APLN: variants seen among roughly 807,000 people sequenced by gnomAD.
APLN encodes apelin, also known as AGTRL1 ligand.
A neutral mutation model predicts 4.3 loss-of-function variants in APLN; 2 were observed. The observed-to-expected ratio is 0.46, with a 90% CI of 0.19 to 1.45. The LOEUF is 1.45. Ranked by LOEUF, APLN falls within the 40% of genes most tolerant of loss-of-function variation. The pLI, the probability that APLN is intolerant of heterozygous loss-of-function variation, is 0.25. For missense variants in APLN, 80 were observed against 70.0 expected (o/e 1.14, Z -0.51); for synonymous variants, 34 against 30.4 (o/e 1.12, Z -0.38).
intron 1 of APLN, among the ~76,000 whole-genome samples, chrX:129,649,633 G>C (rs772524402): frequency 8.9e-6 from 1 of 111,747 alleles, no homozygotes; most frequent in East Asian, 2.8e-4. Context: ...CCAGGAGGGG[G>C]GTGGGCTGTT....
chrX:129,651,645 A>G (rs989632448), intron 1 of APLN, among the ~76,000 whole-genome samples: 2 of 112,230 alleles, frequency 1.8e-5, no homozygotes, highest in Non-Finnish European at 3.8e-5. Context: ...CACGCTGAGA[A>G]CCACAGTCAG....
chrX:129,650,236 C>A (rs1459672667), intron 1 of APLN, among the ~76,000 whole-genome samples: 1 of 110,916 alleles, frequency 9.0e-6, no homozygotes, highest in Non-Finnish European at 1.9e-5. Flanking sequence ...CCCAATCATA[C>A]CCCTGGCAGC....
Position 129,647,666 on chromosome X carries a change from G to T in APLN, c.*257C>A. On this transcript the variant is annotated 3_prime_UTR_variant, in exon 3 of 3. Transcript: ENST00000429967. ...AAGAAGGGAGGCTTTCTGGGGCTAG[G>T]TCTCCAAAGTCAGTCCAGGGAGGGG... The T allele has an allele frequency of 7.1e-6, 7 of 982,901 alleles. No homozygotes were observed. The highest frequency in any genetic ancestry group is 9.3e-6 in the Non-Finnish European group (7 of 756,046). 81.0% of individuals were successfully genotyped at this position (982,901 alleles called of 1,213,427 possible). A position where few individuals can be genotyped will look rare whatever the true frequency, so the allele number is the denominator to read the frequency against.
chrX:129,649,317 C>T lies in APLN; in HGVS notation c.68-525G>A, dbSNP rs6637639. Reference sequence around the variant, plus strand: ...GACTGCAGTATTTTAAAGCAAATCCCGAACATCACGTCATTGTACTCCTAC... The same window carrying T: ...GACTGCAGTATTTTAAAGCAAATCCTGAACATCACGTCATTGTACTCCTAC... On this transcript the variant is annotated intron_variant, in intron 1 of 2. Transcript: ENST00000429967. Among the ~76,000 whole-genome samples the T allele has an allele frequency of 3.6e-4, 40 of 111,990 alleles. No individual in the cohort carries two copies. In the East Asian group the frequency reaches 9.0e-3, roughly 25 times the overall value.
chrX:129,653,339 C>A (rs1419990682), intron 1 of APLN, among the ~76,000 whole-genome samples: 1 of 112,789 alleles, frequency 8.9e-6, no homozygotes, highest in Non-Finnish European at 1.9e-5. Flanking sequence ...CCCTCGGAGG[C>A]TCCTGGGCTG....
chrX:129,653,576 G>A (rs1396407443), intron 1 of APLN, among the ~76,000 whole-genome samples: 1 of 112,581 alleles, frequency 8.9e-6, no homozygotes, highest in African/African-American at 3.2e-5. Flanking sequence ...GGTGGGAGCT[G>A]GCAGCCCCAG....
intron 1 of APLN, among the ~76,000 whole-genome samples, chrX:129,649,402 G>C (rs756999608): frequency 1.8e-5 from 2 of 111,418 alleles, no homozygotes; most frequent in Non-Finnish European, 3.8e-5. Flanking sequence ...TCTCGCCCCT[G>C]GGTGTCTCAT....
At chrX:129,653,644 G>A (rs1016348718) in intron 1 of APLN, among the ~76,000 whole-genome samples, 5 of 112,668 alleles carry the variant, frequency 4.4e-5, no homozygotes, top group Non-Finnish European at 1.9e-5. Flanking sequence ...CGTGGTTGGG[G>A]ACCAGGCTAG....
rs1345103897 is a variant in APLN at position 129,648,867 on chromosome X, G to A, written c.68-75C>T. The A allele has an allele frequency of 8.4e-5, 79 of 943,563 alleles. No homozygotes were observed. The South Asian group carries it at 1.8e-3, about 22-fold the overall frequency. The allele number at this position is 943,563 out of a possible 1,213,427, so 77.8% of individuals were successfully genotyped here. ...AGGGGCTGCAGACCACAGGCCCGCG[G>A]GAGGGGTGGTCTGTCCATGTGGTGG... On this transcript the variant is annotated intron_variant, in intron 1 of 2. Transcript: ENST00000429967.
In APLN at chrX:129,647,663, T is replaced by C. The variant is rs958854156; in HGVS notation, c.*260A>G. ...GAGAAGAAGGGAGGCTTTCTGGGGCTAGGTCTCCAAAGTCAGTCCAGGGAG... is the reference window on the plus strand; with the variant it reads ...GAGAAGAAGGGAGGCTTTCTGGGGCCAGGTCTCCAAAGTCAGTCCAGGGAG... On this transcript the variant is annotated 3_prime_UTR_variant, in exon 3 of 3. Coordinates refer to ENST00000429967, the MANE Select transcript of APLN (RefSeq NM_017413.5). 2 of 980,704 alleles carry C rather than the reference T, an allele frequency of 2.0e-6. No homozygotes were observed. Among genetic ancestry groups the C allele is most frequent in the African/African-American group, 4.0e-5 (2 of 49,884 alleles). 80.8% of individuals were successfully genotyped at this position (980,704 alleles called of 1,213,427 possible). A position where few individuals can be genotyped will look rare whatever the true frequency, so the allele number is the denominator to read the frequency against.
chrX:129,647,888 G>C lies in APLN; in HGVS notation c.*35C>G. On this transcript the variant is annotated 3_prime_UTR_variant, in exon 3 of 3. Transcript: ENST00000429967. ...AATCTATGGAGGAGACATAACCGCC[G>C]GGGGTGGGCACTTGGGGGCCCCTTC... is the stretch of plus-strand genomic sequence containing the variant. 1.0e-6 allele frequency: 1 copy of C among 983,193 alleles called. No individual in the cohort carries two copies. The highest frequency in any genetic ancestry group is 1.3e-6 in the Non-Finnish European group (1 of 756,087). The allele number at this position is 983,193 out of a possible 1,213,427, so 81.0% of individuals were successfully genotyped here.
chrX:129,649,400 C>G (rs1051488871), intron 1 of APLN, among the ~76,000 whole-genome samples: 1 of 111,496 alleles, frequency 9.0e-6, no homozygotes. Context: ...TATCTCGCCC[C>G]TGGGTGTCTC....
chrX:129,648,568 G>A lies in APLN; in HGVS notation c.*5+53C>T. On this transcript the variant is annotated intron_variant, in intron 2 of 2. Transcript: ENST00000429967. ...AGCGGCAGGATCACCCGGCTTCTAG[G>A]CTGTCCTTCTCCCTCCGCTTTAGCA... 7.8e-6 allele frequency: 9 copies of A among 1,155,861 alleles called. No individual in the cohort carries two copies. In the South Asian group the frequency reaches 1.8e-4, roughly 23 times the overall value.
Position 129,649,133 on chromosome X carries a change from G to A in APLN, c.68-341C>T, listed in dbSNP as rs190325193. ...CCTGTACTTGGCTGGGGGGCAGGAG[G>A]CAGTAATCACCACGGCACCCCTGCA... On this transcript the variant is annotated intron_variant, in intron 1 of 2. Coordinates refer to ENST00000429967, the MANE Select transcript of APLN (RefSeq NM_017413.5). Among the ~76,000 whole-genome samples the A allele has an allele frequency of 1.4e-3, 154 of 111,049 alleles. 1 individual carries two copies. Among genetic ancestry groups the A allele is most frequent in the Admixed American group, 0.013 (134 of 10,487 alleles).
intron 2 of APLN, 42 bp downstream of exon 2, chrX:129,648,579 C>A (rs1342767176): frequency 8.5e-7 from 1 of 1,176,425 alleles, no homozygotes; most frequent in South Asian, 1.9e-5. Flanking sequence ...CTGTCCTTCT[C>A]CCTCCGCTTT....
At chrX:129,652,788 C>T in intron 1 of APLN, among the ~76,000 whole-genome samples, 2 of 112,103 alleles carry the variant, frequency 1.8e-5, no homozygotes, top group Middle Eastern at 9.2e-3. Context: ...TTTGCTAGTA[C>T]TGTCCCAATG....
At position 129,654,544 on chromosome X, in the gene APLN, G is replaced by GC. The variant is rs1444326291; in HGVS notation, c.67+19dup. ...AGCACGCCGGCTGCAGCCCGGGCGAGCGGGAGGGCGCGCACTCACCTCCAC... is the reference window on the plus strand; with the variant it reads ...AGCACGCCGGCTGCAGCCCGGGCGAGCCGGGAGGGCGCGCACTCACCTCCAC... On this transcript the variant is annotated intron_variant, in intron 1 of 2. Coordinates refer to ENST00000429967, the MANE Select transcript of APLN (RefSeq NM_017413.5). The GC allele has an allele frequency of 7.8e-6, 9 of 1,147,687 alleles. No homozygotes were observed. The highest frequency in any genetic ancestry group is 1.0e-5 in the Non-Finnish European group (9 of 864,833). 94.6% of individuals were successfully genotyped at this position (1,147,687 alleles called of 1,213,427 possible). A position where few individuals can be genotyped will look rare whatever the true frequency, so the allele number is the denominator to read the frequency against.
Position 129,654,599 on chromosome X carries a change from A to G in APLN, c.32T>C (p.Leu11Pro). 8.7e-7 allele frequency: 1 copy of G among 1,154,734 alleles called. No homozygotes were observed. The highest frequency in any genetic ancestry group is 3.4e-5 in the East Asian group (1 of 29,563). The change falls in exon 1 of 3, where the codon CTG becomes CCG. Residue 11 changes from leucine (L) to proline (P), a missense_variant. By Grantham distance (98) the Leu-to-Pro change is moderately conservative. Coordinates refer to ENST00000429967, the MANE Select transcript of APLN (RefSeq NM_017413.5). ...CGCGGTCAAGGAGAGCCAGAGCAGC[A>G]GGAGCGCCTGCACGCAGAGCCGCAG... Reference protein sequence around the residue: MNLRLCVQALLLLWLSLTAVC... With the variant: MNLRLCVQALPLLWLSLTAVC...
chrX:129,652,070 G>A (rs1032488090), intron 1 of APLN, among the ~76,000 whole-genome samples: 8 of 111,695 alleles, frequency 7.2e-5, no homozygotes, highest in Non-Finnish European at 1.1e-4. Flanking sequence ...GACTGGGGAT[G>A]GAGTAGAGAT....
Sources: allele counts gnomAD v4.1 joint callset (sites outside exome capture counted in the v4.1 genomes callset), GRCh38; gene constraint gnomAD v4.1.1; transcripts MANE v1.5; gene names NCBI Gene and HGNC (gene_info 2026-07-23, HGNC 2026-07-21).